Variants in TRERF1 observed in about 807,000 individuals in gnomAD.
The protein encoded by TRERF1 is transcriptional-regulating factor 1.
A neutral mutation model predicts 122.9 loss-of-function variants in TRERF1; 27 were observed. The observed-to-expected ratio is 0.22, with a 90% CI of 0.16 to 0.30. The LOEUF is 0.30. Ranked by LOEUF, TRERF1 falls within the 10% of genes least tolerant of loss-of-function variation. The probability of loss-of-function intolerance (pLI) is 1.00; values close to 1 mark genes in which losing one functional copy is unlikely to be tolerated. For synonymous variants in TRERF1, 636 were observed against 641.7 expected, an observed-to-expected ratio of 0.99 and a Z score of 0.13; for missense variants, 1,248 against 1,560.3, an observed-to-expected ratio of 0.80 and a Z score of 3.37.
chr6:42,342,180 C>G (rs1767429693), intron 3 of TRERF1, among the ~76,000 whole-genome samples: 1 of 152,226 alleles, frequency 6.6e-6, no homozygotes, highest in Non-Finnish European at 1.5e-5. Flanking sequence ...AATGAAAGCC[C>G]AACACGCAGT....
At chr6:42,360,770 TTAAAAAAAAAAAAAA>T (rs757860249) in intron 3 of TRERF1, among the ~76,000 whole-genome samples, 3,874 of 64,106 alleles carry the variant, frequency 0.06, 176 homozygotes, top group African/African-American at 0.13. Context: ...AGTGGAGAGA[TTAAAAAAAAAAAAAA>T]AAAAAAAAAA....
intron 17 of TRERF1, among the ~76,000 whole-genome samples, chr6:42,231,594 C>T (rs781177582): frequency 6.6e-6 from 1 of 152,112 alleles, no homozygotes; most frequent in Non-Finnish European, 1.5e-5. Context: ...ATGCTCGAGG[C>T]ACTAGGAATT....
At chr6:42,427,554 CTTTT>C (rs11313717) in intron 2 of TRERF1, among the ~76,000 whole-genome samples, 1 of 142,980 alleles carries the variant, frequency 7.0e-6, no homozygotes, top group African/African-American at 2.6e-5. Context: ...CCCTGCCTTA[CTTTT>C]TTTTTTTTTT....
chr6:42,339,653 T>C (rs1387431388), intron 3 of TRERF1, among the ~76,000 whole-genome samples: 1 of 152,226 alleles, frequency 6.6e-6, no homozygotes, highest in Admixed American at 6.5e-5. Flanking sequence ...TTAACAAACC[T>C]TGAATTTCAT....
At chr6:42,350,070 T>C (rs2150813206) in intron 3 of TRERF1, among the ~76,000 whole-genome samples, 1 of 152,258 alleles carries the variant, frequency 6.6e-6, no homozygotes, top group South Asian at 2.1e-4. Context: ...ACTAGATTGA[T>C]TTCTTTCATA....
chr6:42,258,030 T>G, intron 10 of TRERF1, 105 bp downstream of exon 10: 1 of 981,600 alleles, frequency 1.0e-6, no homozygotes, highest in Non-Finnish European at 1.5e-6. Flanking sequence ...ATCCTACAAT[T>G]TCTACAACTG....
Position 42,259,291 on chromosome 6 carries a change from C to T in TRERF1, c.2269+48G>A. On this transcript the variant is annotated intron_variant, in intron 9 of 17. Transcript: ENST00000372922. This position sits in a 1 kb window ranked among gnomAD's most constrained non-coding sequence, Gnocchi z 4.9. ...CTAAAGAAAACGAGATGTCCCAGGA[C>T]TTTACCCAGCACCCAGAGCCCAGGA... 6.8e-7 allele frequency: 1 copy of T among 1,475,566 alleles called. No homozygotes were observed. The highest frequency in any genetic ancestry group is 8.9e-7 in the Non-Finnish European group (1 of 1,121,986). The allele number at this position is 1,475,566 out of a possible 1,614,324, so 91.4% of individuals were successfully genotyped here.
intron 3 of TRERF1, among the ~76,000 whole-genome samples, chr6:42,349,856 A>G (rs143181265): frequency 3.7e-4 from 56 of 152,304 alleles, no homozygotes; most frequent in African/African-American, 1.2e-3. Flanking sequence ...TTTATATCTT[A>G]AAAAATTACT....
At chr6:42,369,593 A>G (rs1352438701) in intron 2 of TRERF1, among the ~76,000 whole-genome samples, 1 of 152,162 alleles carries the variant, frequency 6.6e-6, no homozygotes, top group Non-Finnish European at 1.5e-5. Context: ...CAGATTTGCT[A>G]AAACTTTTTT....
At chr6:42,438,992 G>A (rs1264015640) in intron 2 of TRERF1, among the ~76,000 whole-genome samples, 1 of 152,184 alleles carries the variant, frequency 6.6e-6, no homozygotes, top group Non-Finnish European at 1.5e-5. Context: ...ACATGGCCAG[G>A]AGCCTCAAGG....
chr6:42,236,116 A>G, intron 16 of TRERF1, 89 bp downstream of exon 16: 13 of 1,476,662 alleles, frequency 8.8e-6, no homozygotes, highest in Non-Finnish European at 1.2e-5. Context: ...TTGGAAGAGC[A>G]CTCTCGAAAA....
At chr6:42,306,367 T>C (rs552556833) in intron 3 of TRERF1, among the ~76,000 whole-genome samples, 1 of 152,156 alleles carries the variant, frequency 6.6e-6, no homozygotes, top group Non-Finnish European at 1.5e-5. Context: ...ATAATTTTCA[T>C]GCACTGGAGG....
chr6:42,321,562 C>A (rs1414885119), intron 3 of TRERF1, among the ~76,000 whole-genome samples: 1 of 152,138 alleles, frequency 6.6e-6, no homozygotes, highest in Non-Finnish European at 1.5e-5. Flanking sequence ...CACTTAAATG[C>A]CTTCAGCGTC....
Position 42,259,326 on chromosome 6 carries a change from A to AG in TRERF1, c.2269+12dup, listed in dbSNP as rs1777355607. On this transcript the variant is annotated intron_variant, in intron 9 of 17. Transcript: ENST00000372922. The surrounding 1 kb of genome is among the most constrained non-coding windows in gnomAD (Gnocchi z 4.9). ...CACCCAGAGCCCAGGAGGACGCTAA[A>AG]GGGGTGACTCACTGGAGCGACACAG... The AG allele has an allele frequency of 6.7e-7, 1 of 1,494,096 alleles. No homozygotes were observed. The highest frequency in any genetic ancestry group is 2.4e-5 in the Admixed American group (1 of 42,474). 92.6% of individuals were successfully genotyped at this position (1,494,096 alleles called of 1,614,324 possible). A position where few individuals can be genotyped will look rare whatever the true frequency, so the allele number is the denominator to read the frequency against.
intron 2 of TRERF1, among the ~76,000 whole-genome samples, chr6:42,371,596 C>T (rs1431270512): frequency 2.0e-5 from 3 of 152,112 alleles, no homozygotes; most frequent in East Asian, 3.9e-4. Flanking sequence ...CTGGGGCTCT[C>T]GAGGTAGCTT....
At chr6:42,261,935 G>C (rs1019920626) in intron 8 of TRERF1, among the ~76,000 whole-genome samples, 2 of 152,072 alleles carry the variant, frequency 1.3e-5, no homozygotes, top group African/African-American at 4.8e-5. Flanking sequence ...CACACTTAAA[G>C]CATCAATTTC....
At chr6:42,445,162 G>A (rs576520326) in intron 2 of TRERF1, among the ~76,000 whole-genome samples, 6 of 151,748 alleles carry the variant, frequency 4.0e-5, no homozygotes, top group Admixed American at 6.6e-5. Flanking sequence ...CCAGCTACTC[G>A]GGAGGCTAAG....
chr6:42,291,327 G>A (rs531167955), intron 4 of TRERF1, among the ~76,000 whole-genome samples: 1 of 152,070 alleles, frequency 6.6e-6, no homozygotes, highest in South Asian at 2.1e-4. Context: ...GCCAAGGAGA[G>A]AAAGTCTATG....
At chr6:42,443,422 G>GT (rs1786888802) in intron 2 of TRERF1, among the ~76,000 whole-genome samples, 5 of 152,238 alleles carry the variant, frequency 3.3e-5, no homozygotes, top group Non-Finnish European at 1.5e-5. Flanking sequence ...AGCATACACA[G>GT]TAAGACTAAG....
Sources: allele counts gnomAD v4.1 joint callset (sites outside exome capture counted in the v4.1 genomes callset), GRCh38; gene constraint gnomAD v4.1.1; non-coding constraint Gnocchi (gnomAD v3.1); transcripts MANE v1.5; gene names NCBI Gene and HGNC (gene_info 2026-07-23, HGNC 2026-07-21).